Variants in HELLS observed in about 807,000 individuals in gnomAD.
HELLS encodes the protein helicase, lymphoid specific, also known as lymphoid-specific helicase.
HELLS carries 32 observed loss-of-function variants against 120.0 expected under a neutral mutation model. That is an observed-to-expected ratio of 0.27 (90% CI 0.20 to 0.36). The LOEUF is 0.36. HELLS is among the 10% of genes least tolerant of loss of function. The pLI, the probability that HELLS is intolerant of heterozygous loss-of-function variation, is 1.00. For missense variants in HELLS, 650 were observed against 993.4 expected (o/e 0.65, Z 4.65); for synonymous variants, 341 against 323.4 (o/e 1.05, Z -0.58).
chr10:94,590,069 C>T (rs563841218), intron 13 of HELLS, among the ~76,000 whole-genome samples: 2 of 152,238 alleles, frequency 1.3e-5, no homozygotes, highest in Admixed American at 6.5e-5. Context: ...TGTTAATGAG[C>T]AATTTCATAA....
rs747454533 is a variant in HELLS at position 94,578,876 on chromosome 10, G to GTGC, written c.1032+2071_1032+2072insTGC. 2.3e-3 allele frequency among the ~76,000 whole-genome samples: 357 copies of GTGC among 152,290 alleles called. 1 individual carries two copies. The highest frequency in any genetic ancestry group is 4.3e-3 in the Non-Finnish European group (295 of 68,030). ...TTCACAATAGTGTTCATGCTCCTAT[G>GTGC]AGAATATAATGTCTCCTGATCTGAC... On this transcript the variant is annotated intron_variant, in intron 10 of 21. Coordinates refer to ENST00000348459, the MANE Select transcript of HELLS (RefSeq NM_018063.5).
intron 6 of HELLS, among the ~76,000 whole-genome samples, chr10:94,565,418 G>T (rs1257683066): frequency 1.3e-5 from 2 of 152,180 alleles, no homozygotes; most frequent in Non-Finnish European, 2.9e-5. Flanking sequence ...GCTGGGCGTG[G>T]TGGCTCATAC....
intron 10 of HELLS, among the ~76,000 whole-genome samples, chr10:94,580,898 A>G (rs1486147885): frequency 6.6e-6 from 1 of 152,194 alleles, no homozygotes; most frequent in African/African-American, 2.4e-5. Context: ...TTCTGTGAAA[A>G]TATAAATTGC....
chr10:94,580,435 G>A (rs528286796), intron 10 of HELLS, among the ~76,000 whole-genome samples: 205 of 151,866 alleles, frequency 1.3e-3, no homozygotes, highest in Non-Finnish European at 2.5e-3. Flanking sequence ...GTCTGCCTCG[G>A]CCTCCCAAAG....
intron 10 of HELLS, chr10:94,577,336 T>G (rs1027457021): frequency 4.2e-5 from 10 of 237,980 alleles, no homozygotes; most frequent in Non-Finnish European, 8.3e-5. Flanking sequence ...TCCTCACTGC[T>G]CTACCTCATT....
chr10:94,567,929 G>T (rs34122982), intron 6 of HELLS, among the ~76,000 whole-genome samples: 23,981 of 118,458 alleles, frequency 0.2, 2,350 homozygotes, highest in African/African-American at 0.33. Flanking sequence ...TTTTTTTTTG[G>T]AGAGAGAGTC....
At chr10:94,546,631 T>G (rs904972626) in intron 2 of HELLS, 133 bp downstream of exon 2, 4 of 951,666 alleles carry the variant, frequency 4.2e-6, no homozygotes, top group Middle Eastern at 6.7e-4. Flanking sequence ...GCTTTATTAC[T>G]TGTCTTTTTT....
At chr10:94,611,984 C>T (rs1374393044) in exon 10 of HELLS, 1 of 152,060 alleles carries the variant, frequency 6.6e-6, no homozygotes, top group African/African-American at 2.4e-5. Flanking sequence ...AAATAAGGTA[C>T]AGTATGTGAA....
intron 10 of HELLS, 68 bp downstream of exon 10, chr10:94,576,873 C>T (rs970038964): frequency 1.5e-6 from 2 of 1,375,738 alleles, no homozygotes. Flanking sequence ...ATATCACTTT[C>T]TCACCATCTG....
rs1844323922 is a variant in HELLS, at chr10:94,574,195, A to T, written c.705+8A>T. 6.4e-7 allele frequency: 1 copy of T among 1,573,110 alleles called. No individual in the cohort carries two copies. The highest frequency in any genetic ancestry group is 8.7e-7 in the Non-Finnish European group (1 of 1,145,762). Reference sequence around the variant, plus strand: ...GGCATGGAATGGCTTAGGGTAATGAATTGGAATTTTTAATACAAGATACTG... The same window carrying T: ...GGCATGGAATGGCTTAGGGTAATGATTTGGAATTTTTAATACAAGATACTG... On this transcript the variant is annotated splice_region_variant and intron_variant, in intron 8 of 21. Coordinates refer to ENST00000348459, the MANE Select transcript of HELLS (RefSeq NM_018063.5).
chr10:94,591,092 C>T (rs1247742043), intron 15 of HELLS, among the ~76,000 whole-genome samples: 1 of 152,088 alleles, frequency 6.6e-6, no homozygotes, highest in African/African-American at 2.4e-5. Flanking sequence ...CCTCAGCTTC[C>T]CAGAGTGCTA....
chr10:94,573,272 TG>T (rs1844269122), intron 7 of HELLS, among the ~76,000 whole-genome samples: 1 of 152,202 alleles, frequency 6.6e-6, no homozygotes, highest in South Asian at 2.1e-4. Flanking sequence ...TGTTTTCTTT[TG>T]TAAAGTATCT....
intron 6 of HELLS, among the ~76,000 whole-genome samples, chr10:94,564,000 G>T (rs1192372619): frequency 3.3e-5 from 5 of 151,970 alleles, no homozygotes; most frequent in African/African-American, 1.2e-4. Flanking sequence ...AGTGGAGATG[G>T]GGTTTCAGTG....
chr10:94,555,892 G>A (rs1475287325), intron 3 of HELLS, among the ~76,000 whole-genome samples: 1 of 152,190 alleles, frequency 6.6e-6, no homozygotes, highest in Non-Finnish European at 1.5e-5. Flanking sequence ...CTCCCAAAGT[G>A]CTGGGATTAC....
intron 9 of HELLS, among the ~76,000 whole-genome samples, chr10:94,575,783 G>C (rs796609328): frequency 8.3e-6 from 1 of 120,836 alleles, no homozygotes; most frequent in Non-Finnish European, 1.9e-5. Context: ...GTGTGTGTGT[G>C]TGTGTGTGTG....
Position 94,571,467 on chromosome 10 carries a change from A to C in HELLS, c.477+38A>C, listed in dbSNP as rs74150826. 70 of 1,425,558 alleles carry C rather than the reference A, an allele frequency of 4.9e-5. No homozygotes were observed. In the Middle Eastern group the frequency reaches 5.4e-4, roughly 11 times the overall value. The allele number at this position is 1,425,558 out of a possible 1,614,324, so 88.3% of individuals were successfully genotyped here. A position where few individuals can be genotyped will look rare whatever the true frequency, so the allele number is the denominator to read the frequency against. Reference sequence around the variant, plus strand: ...TAATGTAAGATTAAGTTTAGAAGTCATATTTACTCCTCAGTTACTAGTCCT... The same window carrying C: ...TAATGTAAGATTAAGTTTAGAAGTCCTATTTACTCCTCAGTTACTAGTCCT... On this transcript the variant is annotated intron_variant, in intron 7 of 21. Transcript: ENST00000348459.
intron 10 of HELLS, among the ~76,000 whole-genome samples, chr10:94,579,806 C>A (rs1374618177): frequency 6.6e-6 from 1 of 152,068 alleles, no homozygotes; most frequent in African/African-American, 2.4e-5. Context: ...CCACTTCCAG[C>A]CTGCATTCAC....
At chr10:94,550,831 G>T (rs568589306) in intron 2 of HELLS, 24 of 152,306 alleles carry the variant, frequency 1.6e-4, no homozygotes, top group African/African-American at 5.5e-4. Context: ...GGCGCAGGTT[G>T]CATTGAGCCG....
intron 10 of HELLS, among the ~76,000 whole-genome samples, chr10:94,579,801 TC>T (rs982201539): frequency 1.3e-5 from 2 of 151,690 alleles, no homozygotes; most frequent in African/African-American, 2.4e-5. Flanking sequence ...AGCCACCACT[TC>T]CAGCCTGCAT....
Sources: allele counts gnomAD v4.1 joint callset (sites outside exome capture counted in the v4.1 genomes callset), GRCh38; gene constraint gnomAD v4.1.1; transcripts MANE v1.5; gene names NCBI Gene and HGNC (gene_info 2026-07-23, HGNC 2026-07-21).